Variants in ACLY observed in about 807,000 individuals in gnomAD.
ACLY encodes ATP citrate lyase.
A neutral mutation model predicts 133.0 loss-of-function variants in ACLY; 41 were observed. That is an observed-to-expected ratio of 0.31 (90% CI 0.24 to 0.40). The LOEUF (loss-of-function observed/expected upper bound fraction) is 0.40, where lower values mean the gene tolerates loss of function less well. Among genes scored for constraint, ACLY ranks in the 10% least tolerant of loss-of-function variants. ACLY has a pLI of 1.00. For synonymous variants in ACLY, 495 were observed against 549.3 expected (o/e 0.90, Z 1.38); for missense variants, 1,046 against 1,453.8 (o/e 0.72, Z 4.56).
intron 11 of ACLY, among the ~76,000 whole-genome samples, chr17:41,901,228 T>C (rs9908955): frequency 0.67 from 101,451 of 151,654 alleles, 36,026 homozygotes; most frequent in South Asian, 0.83. Flanking sequence ...CCAAAGTACA[T>C]GAGCCACCTG....
chr17:41,893,019 A>G lies in ACLY; in HGVS notation c.1601+14T>C. ...GCAGAGGAAGGAGATATTTCCCGCC[A>G]TGGGGTAACTCACGTGAAAGGGTAG... is the stretch of plus-strand genomic sequence containing the variant. On this transcript the variant is annotated intron_variant, in intron 15 of 28. Transcript: ENST00000352035. The G allele has an allele frequency of 1.9e-6, 3 of 1,610,666 alleles. No individual in the cohort carries two copies. The highest frequency in any genetic ancestry group is 2.5e-6 in the Non-Finnish European group (3 of 1,177,850).
intron 1 of ACLY, among the ~76,000 whole-genome samples, chr17:41,926,740 C>T (rs560551283): frequency 2.4e-4 from 37 of 152,162 alleles, no homozygotes; most frequent in Middle Eastern, 6.8e-3. Context: ...CCGCCCGCCT[C>T]GGCCTCCCAA....
chr17:41,892,795 C>CTGCCTCCTG (rs2049251949), intron 15 of ACLY, among the ~76,000 whole-genome samples: 1 of 151,986 alleles, frequency 6.6e-6, no homozygotes, highest in Non-Finnish European at 1.5e-5. Context: ...TCCTGCCTCA[C>CTGCCTCCTG]CCTCCCAAGT....
At chr17:41,880,059 A>G (rs2048876534) in intron 20 of ACLY, among the ~76,000 whole-genome samples, 1 of 152,128 alleles carries the variant, frequency 6.6e-6, no homozygotes, top group South Asian at 2.1e-4. Context: ...GCGATGGAGG[A>G]AATTAACCCA....
intron 28 of ACLY, 28 bp downstream of exon 28, chr17:41,868,681 C>A: frequency 6.3e-7 from 1 of 1,579,210 alleles, no homozygotes; most frequent in Non-Finnish European, 8.6e-7. Context: ...TAAAAAAAAA[C>A]ACTTAAAACA....
intron 28 of ACLY, 110 bp downstream of exon 28, chr17:41,868,599 T>TAAAAA (rs2048522030): frequency 1.7e-6 from 1 of 598,914 alleles, no homozygotes; most frequent in Non-Finnish European, 2.5e-6. Flanking sequence ...AAAAAGAAAA[T>TAAAAA]TAAAAAAAAA....
At chr17:41,889,023 C>T (rs2049129724) in intron 16 of ACLY, among the ~76,000 whole-genome samples, 1 of 152,012 alleles carries the variant, frequency 6.6e-6, no homozygotes, top group Admixed American at 6.6e-5. Context: ...GAGGCTGAGG[C>T]AGGAGAATCA....
At chr17:41,902,659 G>T (rs2049574740) in intron 10 of ACLY, among the ~76,000 whole-genome samples, 3 of 152,220 alleles carry the variant, frequency 2.0e-5, no homozygotes, top group African/African-American at 7.2e-5. Flanking sequence ...TTTACACAAA[G>T]TTCCATGTAC....
At chr17:41,924,935 T>C (rs932140937) in intron 1 of ACLY, among the ~76,000 whole-genome samples, 4 of 152,120 alleles carry the variant, frequency 2.6e-5, no homozygotes, top group African/African-American at 9.7e-5. Flanking sequence ...TTCCCTCCTC[T>C]TTCAGGAAGA....
At chr17:41,871,973 C>A in intron 24 of ACLY, 59 bp downstream of exon 24, 1 of 1,603,338 alleles carries the variant, frequency 6.2e-7, no homozygotes, top group Non-Finnish European at 8.5e-7. Flanking sequence ...TGTGGCAAAG[C>A]AGCATGAGGC....
intron 2 of ACLY, among the ~76,000 whole-genome samples, chr17:41,913,388 G>A (rs1182361273): frequency 6.6e-6 from 1 of 152,234 alleles, no homozygotes; most frequent in African/African-American, 2.4e-5. Context: ...CTCAAAGTGA[G>A]TATTATCCCA....
intron 16 of ACLY, among the ~76,000 whole-genome samples, chr17:41,888,962 T>C (rs2049128369): frequency 6.6e-6 from 1 of 151,770 alleles, no homozygotes. Flanking sequence ...CTCCTAAAAA[T>C]ACAAAATTAG....
intron 14 of ACLY, among the ~76,000 whole-genome samples, chr17:41,894,606 T>G (rs1466466403): frequency 6.6e-6 from 1 of 151,342 alleles, no homozygotes; most frequent in African/African-American, 2.4e-5. Flanking sequence ...TATTACGCAT[T>G]GCACGCCTGT....
Position 41,909,677 on chromosome 17 carries a change from G to A in ACLY, c.369C>T (p.Ile123=). The change falls in exon 5 of 29, where the codon ATC becomes ATT. Residue 123 remains isoleucine, a synonymous_variant. Transcript: ENST00000352035. ...CGTAGTCCCCTTCTCGGGTGGCATA[G>A]ATGCAGACATAGAACTCCTCAGCCT... The part of the protein sequence containing the change: ...HSQAEEFYVC[I]YATREGDYVL... 2 of 1,614,146 alleles carry A rather than the reference G, an allele frequency of 1.2e-6. No homozygotes were observed. Among genetic ancestry groups the A allele is most frequent in the Non-Finnish European group, 1.7e-6 (2 of 1,180,010 alleles).
intron 4 of ACLY, 87 bp downstream of exon 4, chr17:41,910,135 C>T (rs558369285): frequency 7.4e-7 from 1 of 1,352,808 alleles, no homozygotes; most frequent in Non-Finnish European, 1.0e-6. Flanking sequence ...CTGTCCTCAT[C>T]AGCTTGACTT....
At chr17:41,912,271 A>G in intron 3 of ACLY, 149 bp downstream of exon 3, 1 of 978,240 alleles carries the variant, frequency 1.0e-6, no homozygotes, top group East Asian at 2.6e-5. Context: ...GCTGGCAGCC[A>G]CCTGAGTGGG....
At chr17:41,929,293 C>T (rs1219437120) in intron 1 of ACLY, among the ~76,000 whole-genome samples, 1 of 151,954 alleles carries the variant, frequency 6.6e-6, no homozygotes, top group Admixed American at 6.6e-5. Flanking sequence ...CAGGGCTTCG[C>T]CATGTTGCCC....
intron 1 of ACLY, among the ~76,000 whole-genome samples, chr17:41,928,840 G>A (rs2050273933): frequency 7.4e-6 from 1 of 134,686 alleles, no homozygotes; most frequent in Non-Finnish European, 1.6e-5. Context: ...GTGACAGAGT[G>A]AGACTCCACC....
intron 13 of ACLY, among the ~76,000 whole-genome samples, chr17:41,897,049 C>T (rs1197493000): frequency 2.6e-5 from 4 of 152,134 alleles, no homozygotes; most frequent in African/African-American, 9.7e-5. Flanking sequence ...AGATGATTGG[C>T]CAGCATGGGG....
Sources: gnomAD v4.1 joint callset for allele counts (sites outside exome capture counted in the v4.1 genomes callset) on GRCh38, gnomAD v4.1.1 for gene constraint, MANE v1.5 for transcripts, NCBI Gene and HGNC (gene_info 2026-07-23, HGNC 2026-07-21) for gene names.